TECPR2: variants seen among roughly 807,000 people sequenced by gnomAD.
TECPR2 encodes tectonin beta-propeller repeat containing 2.
TECPR2 carries 65 observed loss-of-function variants against 138.1 expected under a neutral mutation model. The observed-to-expected ratio is 0.47, with a 90% CI of 0.39 to 0.58. TECPR2 has a LOEUF of 0.58. TECPR2 is among the 20% of genes least tolerant of loss of function. The pLI is 0.00. For missense variants in TECPR2, 1,553 were observed against 1,824.5 expected, an observed-to-expected ratio of 0.85 and a Z score of 2.71; for synonymous variants, 746 against 749.8, an observed-to-expected ratio of 0.99 and a Z score of 0.08.
chr14:102,436,831 C>T (rs1415852292), intron 9 of TECPR2, among the ~76,000 whole-genome samples: 1 of 152,170 alleles, frequency 6.6e-6, no homozygotes, highest in Non-Finnish European at 1.5e-5. Context: ...GGTGAGGGTA[C>T]TGAGCAAAGT....
chr14:102,502,417 A>T lies in TECPR2; in HGVS notation c.*4160A>T, dbSNP rs1245447514. 1 of 152,646 alleles carries T rather than the reference A, an allele frequency of 6.6e-6. No homozygotes were observed. Among genetic ancestry groups the T allele is most frequent in the Non-Finnish European group, 1.5e-5 (1 of 68,044 alleles). 9.5% of individuals were successfully genotyped at this position (152,646 alleles called of 1,614,324 possible). A position where few individuals can be genotyped will look rare whatever the true frequency, so the allele number is the denominator to read the frequency against. On this transcript the variant is annotated 3_prime_UTR_variant, in exon 20 of 20. Coordinates refer to ENST00000359520, the MANE Select transcript of TECPR2 (RefSeq NM_014844.5). ...GTATATGCCTTTTTGTATCCTTTGAATTTCCAGCCATGTAAATGTATTATT... is the reference window on the plus strand; with the variant it reads ...GTATATGCCTTTTTGTATCCTTTGATTTTCCAGCCATGTAAATGTATTATT...
At chr14:102,438,297 C>G in intron 10 of TECPR2, 92 bp downstream of exon 10, 1 of 1,436,338 alleles carries the variant, frequency 7.0e-7, no homozygotes. Context: ...GTACAGGGCT[C>G]CCCTGCAGCA....
rs1037966389 is a variant in TECPR2 at position 102,429,753 on chromosome 14, C to T, written c.1084+1371C>T. Among the ~76,000 whole-genome samples the T allele has an allele frequency of 8.9e-4, 136 of 152,184 alleles. 2 individuals are homozygous for T. The highest frequency in any genetic ancestry group is 1.0e-4 in the Non-Finnish European group (7 of 68,022). On this transcript the variant is annotated intron_variant, in intron 7 of 19. Coordinates refer to ENST00000359520, the MANE Select transcript of TECPR2 (RefSeq NM_014844.5). Reference sequence around the variant, plus strand: ...CTGGGGGCCCCTCAGACAGTGTCATCAAAGGGTTAGAATGGCTTTCAGGAA... The same window carrying T: ...CTGGGGGCCCCTCAGACAGTGTCATTAAAGGGTTAGAATGGCTTTCAGGAA...
At chr14:102,396,849 T>C (rs1888328700) in intron 2 of TECPR2, among the ~76,000 whole-genome samples, 1 of 152,224 alleles carries the variant, frequency 6.6e-6, no homozygotes, top group Non-Finnish European at 1.5e-5. Flanking sequence ...TTGGGGTCTG[T>C]GCTCTGACTG....
At chr14:102,416,003 T>C (rs1320643478) in intron 5 of TECPR2, among the ~76,000 whole-genome samples, 1 of 152,234 alleles carries the variant, frequency 6.6e-6, no homozygotes, top group East Asian at 1.9e-4. Flanking sequence ...GTTCTGGGCT[T>C]TGCGGCAACA....
chr14:102,434,683 T>C lies in TECPR2; in HGVS notation c.1866T>C (p.Pro622=), dbSNP rs1384553371. 1 of 1,613,096 alleles carries C rather than the reference T, an allele frequency of 6.2e-7. No individual in the cohort carries two copies. Among genetic ancestry groups the C allele is most frequent in the Admixed American group, 1.7e-5 (1 of 59,928 alleles). ...QLPFQEQDSS[P]GAHDGEDIQP... ...CCTTCCAAGAACAGGACAGCTCTCCTGGGGCGCATGATGGGGAAGACATCC... is the reference window on the plus strand; with the variant it reads ...CCTTCCAAGAACAGGACAGCTCTCCCGGGGCGCATGATGGGGAAGACATCC... The change falls in exon 9 of 20, where the codon CCT becomes CCC. Residue 622 remains proline, a synonymous_variant. Transcript: ENST00000359520.
rs143592109 is a variant in TECPR2, at chr14:102,485,032, C to G, written c.3790-11947C>G. 5.3e-5 allele frequency among the ~76,000 whole-genome samples: 8 copies of G among 152,338 alleles called. No individual in the cohort carries two copies. In the East Asian group the frequency reaches 1.5e-3, roughly 29 times the overall value. The stretch of plus-strand genomic sequence containing the variant: ...AAGGGAGTGAAAGAGTAATTGTGTG[C>G]TCATTATCATCACTGCCCAGAAGCT... On this transcript the variant is annotated intron_variant, in intron 17 of 19. Coordinates refer to ENST00000359520, the MANE Select transcript of TECPR2 (RefSeq NM_014844.5).
intron 1 of TECPR2, among the ~76,000 whole-genome samples, chr14:102,373,027 G>T (rs1887546695): frequency 6.6e-6 from 1 of 152,122 alleles, no homozygotes; most frequent in Non-Finnish European, 1.5e-5. Context: ...GAGTATGTAT[G>T]TATGCACTCT....
At chr14:102,377,782 T>C (rs1001323594) in intron 2 of TECPR2, among the ~76,000 whole-genome samples, 2 of 152,236 alleles carry the variant, frequency 1.3e-5, no homozygotes, top group African/African-American at 4.8e-5. Flanking sequence ...GCAGATATTT[T>C]TTTCCTAAGT....
chr14:102,497,590 G>GC lies in TECPR2; in HGVS notation c.3953dup (p.Leu1319AlafsTer48), dbSNP rs753931701. On this transcript the variant is annotated frameshift_variant, in exon 19 of 20. Coordinates refer to ENST00000359520, the MANE Select transcript of TECPR2 (RefSeq NM_014844.5). LOFTEE classifies it high-confidence loss of function. ...CACAGGGTTGCAGGCCTGCCAGCTG[G>GC]CGCTGAGCACCAGGACCGTGTGGGC... 2.5e-6 allele frequency: 4 copies of GC among 1,603,922 alleles called. No homozygotes were observed. The highest frequency in any genetic ancestry group is 3.4e-6 in the Non-Finnish European group (4 of 1,174,868).
chr14:102,394,676 G>A (rs1034099083), intron 2 of TECPR2, among the ~76,000 whole-genome samples: 2 of 152,176 alleles, frequency 1.3e-5, no homozygotes, highest in East Asian at 3.8e-4. Context: ...GCTAACTACA[G>A]CACCTTCCCT....
rs544613347 is a variant in TECPR2 at position 102,406,008 on chromosome 14, T to C, written c.220-1330T>C. 1.1e-4 allele frequency among the ~76,000 whole-genome samples: 17 copies of C among 149,238 alleles called. No homozygotes were observed. The South Asian group carries it at 3.6e-3, about 31-fold the overall frequency. On this transcript the variant is annotated intron_variant, in intron 2 of 19. Coordinates refer to ENST00000359520, the MANE Select transcript of TECPR2 (RefSeq NM_014844.5). ...TCACGGTAAAAGGAATCTGAGGAGATTAAAAAAAAAAGAGTAGTCAAAATC... is the reference window on the plus strand; with the variant it reads ...TCACGGTAAAAGGAATCTGAGGAGACTAAAAAAAAAAGAGTAGTCAAAATC...
intron 17 of TECPR2, among the ~76,000 whole-genome samples, chr14:102,471,214 A>AG (rs1223486093): frequency 2.0e-5 from 3 of 151,972 alleles, no homozygotes; most frequent in African/African-American, 4.8e-5. Context: ...GGCCTCCCAA[A>AG]GTGCTGGGAT....
At chr14:102,455,009 A>C (rs532044930) in intron 16 of TECPR2, among the ~76,000 whole-genome samples, 1 of 152,272 alleles carries the variant, frequency 6.6e-6, no homozygotes, top group Non-Finnish European at 1.5e-5. Context: ...TAGCTGGCCA[A>C]AGTGGTGCAG....
chr14:102,428,499 G>T (rs1262625338), intron 7 of TECPR2, 117 bp downstream of exon 7: 2 of 1,483,158 alleles, frequency 1.3e-6, no homozygotes, highest in South Asian at 1.2e-5. Flanking sequence ...GGTGGCTCAC[G>T]CCTGTAATCC....
intron 4 of TECPR2, among the ~76,000 whole-genome samples, chr14:102,410,470 TAAA>T (rs60487259): frequency 5.9e-5 from 8 of 135,554 alleles, no homozygotes; most frequent in South Asian, 4.7e-4. Flanking sequence ...AAAAATAAAT[TAAA>T]AAAAAAAATA....
Position 102,500,057 on chromosome 14 carries a change from A to G in TECPR2, c.*1800A>G, listed in dbSNP as rs1211300134. On this transcript the variant is annotated 3_prime_UTR_variant, in exon 20 of 20. Coordinates refer to ENST00000359520, the MANE Select transcript of TECPR2 (RefSeq NM_014844.5). The stretch of plus-strand genomic sequence containing the variant: ...TCCTCACCCATGGGACTGTAGTGCA[A>G]TTAAACCCGCGTCTAGGTGATGCTT... 1 of 152,678 alleles carries G rather than the reference A, an allele frequency of 6.5e-6. No individual in the cohort carries two copies. Among genetic ancestry groups the G allele is most frequent in the Non-Finnish European group, 1.5e-5 (1 of 68,048 alleles). The allele number at this position is 152,678 out of a possible 1,614,324, so 9.5% of individuals were successfully genotyped here.
intron 17 of TECPR2, among the ~76,000 whole-genome samples, chr14:102,466,060 A>G (rs910273737): frequency 1.3e-5 from 2 of 152,224 alleles, no homozygotes; most frequent in Non-Finnish European, 2.9e-5. Context: ...TGTTGGGCAG[A>G]GAAACCTTCA....
At chr14:102,403,344 A>G (rs2139688363) in intron 2 of TECPR2, among the ~76,000 whole-genome samples, 1 of 152,368 alleles carries the variant, frequency 6.6e-6, no homozygotes, top group South Asian at 2.1e-4. Flanking sequence ...CTTTTATGGT[A>G]AAAACACTCA....
Sources: allele counts gnomAD v4.1 joint callset (sites outside exome capture counted in the v4.1 genomes callset), GRCh38; gene constraint gnomAD v4.1.1; transcripts MANE v1.5; gene names NCBI Gene and HGNC (gene_info 2026-07-23, HGNC 2026-07-21).